The following ARID2 variants were observed in gnomAD, a reference collection of about 807,000 sequenced individuals.
ARID2 encodes AT-rich interactive domain-containing protein 2.
A neutral mutation model predicts 184.6 loss-of-function variants in ARID2; 32 were observed. The ratio of observed to expected loss-of-function variants is 0.17; its 90% CI spans 0.13 to 0.23. The LOEUF (loss-of-function observed/expected upper bound fraction) is 0.23, where lower values mean the gene tolerates loss of function less well. Ranked by LOEUF, ARID2 falls within the 10% of genes least tolerant of loss-of-function variation. The pLI, the probability that ARID2 is intolerant of heterozygous loss-of-function variation, is 1.00. For synonymous variants in ARID2, 836 were observed against 772.6 expected, an observed-to-expected ratio of 1.08 and a Z score of -1.36; for missense variants, 1,696 against 2,197.6, an observed-to-expected ratio of 0.77 and a Z score of 4.56.
At chr12:45,856,463 A>T (rs1943653161) in intron 15 of ARID2, among the ~76,000 whole-genome samples, 2 of 152,190 alleles carry the variant, frequency 1.3e-5, no homozygotes, top group Non-Finnish European at 2.9e-5. Flanking sequence ...AGTAGACAAA[A>T]TAGAGGATTT....
At chr12:45,731,063 A>G (rs1940984531) in intron 2 of ARID2, among the ~76,000 whole-genome samples, 154 bp from the exon 3 acceptor site, 1 of 151,956 alleles carries the variant, frequency 6.6e-6, no homozygotes. Flanking sequence ...TGATTCAAGA[A>G]GCCCTTGCTT....
intron 3 of ARID2, among the ~76,000 whole-genome samples, chr12:45,804,050 T>C (rs1243681923): frequency 6.6e-6 from 1 of 152,148 alleles, no homozygotes. Flanking sequence ...ATAAATTAAA[T>C]GTCTTTCCCT....
At chr12:45,753,472 T>G (rs1002249472) in intron 3 of ARID2, among the ~76,000 whole-genome samples, 1 of 152,200 alleles carries the variant, frequency 6.6e-6, no homozygotes, top group Non-Finnish European at 1.5e-5. Flanking sequence ...TAATAAAGTG[T>G]GTACCTTATA....
intron 18 of ARID2, 138 bp from the exon 19 acceptor site, chr12:45,893,282 A>AC: frequency 9.9e-7 from 1 of 1,014,380 alleles, no homozygotes. Flanking sequence ...TTAATGCTAG[A>AC]CCATTGGACC....
intron 3 of ARID2, among the ~76,000 whole-genome samples, chr12:45,732,171 C>T (rs1190045350): frequency 6.6e-6 from 1 of 151,752 alleles, no homozygotes; most frequent in Non-Finnish European, 1.5e-5. Context: ...TTAGAGGATC[C>T]TAAGTTAGTT....
chr12:45,811,354 T>A, intron 3 of ARID2, 64 bp from the exon 4 acceptor site: 1 of 1,481,786 alleles, frequency 6.7e-7, no homozygotes, highest in African/African-American at 1.4e-5. Context: ...AAATATGTGG[T>A]GAGAGTTAAA....
At chr12:45,853,526 G>T (rs929811411) in intron 15 of ARID2, among the ~76,000 whole-genome samples, 2 of 152,040 alleles carry the variant, frequency 1.3e-5, no homozygotes, top group African/African-American at 4.8e-5. Flanking sequence ...TTCCATCTCT[G>T]CATGCCTTAG....
chr12:45,837,926 CTTGT>C (rs1334903325), intron 10 of ARID2, among the ~76,000 whole-genome samples: 3 of 152,088 alleles, frequency 2.0e-5, no homozygotes, highest in Non-Finnish European at 2.9e-5. Flanking sequence ...GCAACATTGT[CTTGT>C]TTATTTTTTA....
intron 16 of ARID2, among the ~76,000 whole-genome samples, chr12:45,868,839 T>C (rs1943871318): frequency 6.6e-6 from 1 of 152,216 alleles, no homozygotes; most frequent in Non-Finnish European, 1.5e-5. Flanking sequence ...TCACTTTAAA[T>C]GTATTTTAAC....
In ARID2 at chr12:45,852,005, A is replaced by C; in HGVS notation, c.3882A>C (p.Leu1294Phe). ...ATGAAATGCATGTGGGAAGTCTTTT[A>C]AATGGGAGAAAGTACAGTGACTCAA... ...KENEMHVGSL[L>F]NGRKYSDSSL... The change falls in exon 15 of 21, where the codon TTA becomes TTC. Residue 1294 changes from leucine (L) to phenylalanine (F), a missense_variant. Coordinates refer to ENST00000334344, the MANE Select transcript of ARID2 (RefSeq NM_152641.4). 1 of 1,614,142 alleles carries C rather than the reference A, an allele frequency of 6.2e-7. No homozygotes were observed. Among genetic ancestry groups the C allele is most frequent in the Non-Finnish European group, 8.5e-7 (1 of 1,180,004 alleles).
chr12:45,746,494 T>G (rs1262727762), intron 3 of ARID2, among the ~76,000 whole-genome samples: 2 of 152,100 alleles, frequency 1.3e-5, no homozygotes, highest in African/African-American at 4.8e-5. Flanking sequence ...TGCTAAAGTT[T>G]TTTTTTTAAG....
At chr12:45,797,370 G>T (rs1233622053) in intron 3 of ARID2, among the ~76,000 whole-genome samples, 3 of 152,144 alleles carry the variant, frequency 2.0e-5, no homozygotes, top group Admixed American at 2.0e-4. Context: ...GAGTAGCTGA[G>T]ATTACAGGTG....
Position 45,837,527 on chromosome 12 carries a change from G to A in ARID2, c.1150G>A (p.Ala384Thr), listed in dbSNP as rs1399453452. Residue 384 changes from alanine to threonine, a missense_variant, in exon 10 of 21, where the codon GCA becomes ACA. Physicochemically the swap from Ala to Thr is moderately conservative, Grantham distance 58. Coordinates refer to ENST00000334344, the MANE Select transcript of ARID2 (RefSeq NM_152641.4). Reference sequence around the variant, plus strand: ...GGAAATTTTGGGAAATCTTTGCAAAGCAGAAGATAATGGTGTTTTAATTTG... The same window carrying A: ...GGAAATTTTGGGAAATCTTTGCAAAACAGAAGATAATGGTGTTTTAATTTG... Reference protein sequence around the residue: ...GMEILGNLCKAEDNGVLICEY... With the variant: ...GMEILGNLCKTEDNGVLICEY... 13 of 1,613,840 alleles carry A rather than the reference G, an allele frequency of 8.1e-6. No individual in the cohort carries two copies. Among genetic ancestry groups the A allele is most frequent in the Non-Finnish European group, 1.1e-5 (13 of 1,179,948 alleles).
intron 6 of ARID2, among the ~76,000 whole-genome samples, chr12:45,830,751 A>T (rs1388188588): frequency 6.6e-6 from 1 of 152,132 alleles, no homozygotes; most frequent in East Asian, 1.9e-4. Context: ...ATCACATGAA[A>T]TCAAGAAAAC....
At chr12:45,773,597 A>T (rs1941918719) in intron 3 of ARID2, among the ~76,000 whole-genome samples, 1 of 152,158 alleles carries the variant, frequency 6.6e-6, no homozygotes, top group African/African-American at 2.4e-5. Flanking sequence ...AGTGTAAAGG[A>T]ATAGTAGCAG....
chr12:45,802,320 G>T (rs889180978), intron 3 of ARID2, among the ~76,000 whole-genome samples: 20 of 152,046 alleles, frequency 1.3e-4, no homozygotes, highest in African/African-American at 4.8e-4. Flanking sequence ...CTCACACCCG[G>T]CCTCCCAAAG....
At chr12:45,756,311 A>G (rs1941571247) in intron 3 of ARID2, among the ~76,000 whole-genome samples, 1 of 152,220 alleles carries the variant, frequency 6.6e-6, no homozygotes, top group Non-Finnish European at 1.5e-5. Flanking sequence ...GGGAGTGGGG[A>G]GAATTATCTA....
At chr12:45,739,438 C>CTTTTTTTTTTTTTTTT (rs71067906) in intron 3 of ARID2, among the ~76,000 whole-genome samples, 1 of 90,780 alleles carries the variant, frequency 1.1e-5, no homozygotes, top group African/African-American at 4.5e-5. Context: ...TATAAAGTTA[C>CTTTTTTTTTTTTTTTT]TTTTTTTTTT....
At chr12:45,755,387 A>G (rs1941548303) in intron 3 of ARID2, among the ~76,000 whole-genome samples, 1 of 152,212 alleles carries the variant, frequency 6.6e-6, no homozygotes, top group African/African-American at 2.4e-5. Flanking sequence ...AGAGAATGAG[A>G]TTATTTTTAT....
Sources: gnomAD v4.1 joint callset for allele counts (sites outside exome capture counted in the v4.1 genomes callset) on GRCh38, gnomAD v4.1.1 for gene constraint, MANE v1.5 for transcripts, NCBI Gene and HGNC (gene_info 2026-07-23, HGNC 2026-07-21) for gene names.